The following CCBE1 variants were observed in gnomAD, a reference collection of about 807,000 sequenced individuals.
The protein encoded by CCBE1 is collagen and calcium-binding EGF domain-containing protein 1.
A neutral mutation model predicts 50.0 loss-of-function variants in CCBE1; 37 were observed. The observed-to-expected ratio is 0.74, with a 90% CI of 0.57 to 0.97. CCBE1 has a LOEUF of 0.97. Among genes scored for constraint, CCBE1 ranks in the 50% least tolerant of loss-of-function variants. The pLI is 0.00. For missense variants in CCBE1, 538 were observed against 523.8 expected (o/e 1.03, Z -0.26); for synonymous variants, 234 against 203.7 (o/e 1.15, Z -1.27).
At position 59,651,285 on chromosome 18, in the gene CCBE1, A is replaced by C. The variant is rs546778439; in HGVS notation, c.212+45344T>G. Among the ~76,000 whole-genome samples the C allele has an allele frequency of 1.1e-4, 16 of 152,354 alleles. No individual in the cohort carries two copies. The East Asian group carries it at 2.7e-3, about 26-fold the overall frequency. ...TTGACACACATGAGTTGTTGCAGGC[A>C]CTGGGGTTTCCTGCCCCAGTTCTTG... On this transcript the variant is annotated intron_variant, in intron 2 of 10. Coordinates refer to ENST00000439986, the MANE Select transcript of CCBE1 (RefSeq NM_133459.4).
chr18:59,635,869 G>A (rs943797915), intron 2 of CCBE1, among the ~76,000 whole-genome samples: 3 of 152,266 alleles, frequency 2.0e-5, no homozygotes, highest in Admixed American at 2.0e-4. Flanking sequence ...GATTTTAGAA[G>A]CCAAATTCTA....
At chr18:59,508,905 C>CA (rs1029882889) in intron 2 of CCBE1, among the ~76,000 whole-genome samples, 2 of 151,854 alleles carry the variant, frequency 1.3e-5, no homozygotes, top group Admixed American at 1.3e-4. Flanking sequence ...CAATGAACGG[C>CA]AAGGTCATGC....
intron 2 of CCBE1, among the ~76,000 whole-genome samples, chr18:59,623,083 G>A (rs563987035): frequency 6.6e-6 from 1 of 152,236 alleles, no homozygotes; most frequent in Non-Finnish European, 1.5e-5. Flanking sequence ...CTGGAAAGGG[G>A]GCACAGAATG....
intron 2 of CCBE1, among the ~76,000 whole-genome samples, chr18:59,481,876 A>G (rs1912586764): frequency 6.6e-6 from 1 of 152,236 alleles, no homozygotes; most frequent in Non-Finnish European, 1.5e-5. Flanking sequence ...AGAGCATTAT[A>G]AACAGTAAAT....
At chr18:59,468,034 G>A (rs184329669) in intron 4 of CCBE1, among the ~76,000 whole-genome samples, 23 of 152,310 alleles carry the variant, frequency 1.5e-4, no homozygotes, top group Admixed American at 2.0e-4. Flanking sequence ...GTTGAAATCA[G>A]AGATAGAAAT....
At chr18:59,465,600 A>T (rs1291350328) in intron 5 of CCBE1, 4 of 152,258 alleles carry the variant, frequency 2.6e-5, no homozygotes, top group African/African-American at 9.6e-5. Flanking sequence ...TACAAAAATA[A>T]GATGTAAAAT....
chr18:59,522,410 T>C (rs922741598), intron 2 of CCBE1, among the ~76,000 whole-genome samples: 9 of 152,234 alleles, frequency 5.9e-5, no homozygotes, highest in Non-Finnish European at 2.9e-5. Flanking sequence ...GAAATACTTC[T>C]AACATTAAAC....
intron 2 of CCBE1, among the ~76,000 whole-genome samples, chr18:59,568,004 A>T (rs2052855173): frequency 6.6e-6 from 1 of 151,990 alleles, no homozygotes; most frequent in South Asian, 2.1e-4. Context: ...TGTGGTAGCT[A>T]TTCTTTTTCT....
intron 2 of CCBE1, among the ~76,000 whole-genome samples, chr18:59,590,592 G>A (rs970256955): frequency 1.3e-5 from 2 of 152,098 alleles, no homozygotes; most frequent in African/African-American, 4.8e-5. Flanking sequence ...AGCCACAGGA[G>A]GAATATCCCA....
chr18:59,540,740 A>G (rs544972708), intron 2 of CCBE1, among the ~76,000 whole-genome samples: 2 of 152,180 alleles, frequency 1.3e-5, no homozygotes, highest in Non-Finnish European at 2.9e-5. Flanking sequence ...CATGCCCTTT[A>G]TTTCCATATC....
intron 2 of CCBE1, among the ~76,000 whole-genome samples, chr18:59,528,275 C>T (rs929272402): frequency 3.3e-5 from 5 of 152,186 alleles, no homozygotes; most frequent in African/African-American, 1.2e-4. Flanking sequence ...TATTTGGCTA[C>T]TGATACTTGT....
chr18:59,527,101 G>A (rs1307385880), intron 2 of CCBE1, among the ~76,000 whole-genome samples: 4 of 152,152 alleles, frequency 2.6e-5, no homozygotes, highest in African/African-American at 9.7e-5. Flanking sequence ...ACAGTGGGGT[G>A]TTAAAGTCTC....
chr18:59,501,956 G>A (rs1322624368), intron 2 of CCBE1, among the ~76,000 whole-genome samples: 1 of 152,058 alleles, frequency 6.6e-6, no homozygotes, highest in African/African-American at 2.4e-5. Context: ...GCACCATCAC[G>A]CCTGGCTAAT....
intron 2 of CCBE1, among the ~76,000 whole-genome samples, chr18:59,508,732 T>TTTTTC (rs1913998961): frequency 6.7e-6 from 1 of 148,396 alleles, no homozygotes; most frequent in South Asian, 2.2e-4. Context: ...TTTTTTTTTT[T>TTTTTC]TGAGGCAGGG....
chr18:59,535,191 G>A (rs763364500), intron 2 of CCBE1, among the ~76,000 whole-genome samples: 1 of 152,174 alleles, frequency 6.6e-6, no homozygotes, highest in Admixed American at 6.5e-5. Context: ...CCTTGATGCT[G>A]GAAAGATAAA....
At chr18:59,461,563 A>G (rs1487729740) in intron 5 of CCBE1, among the ~76,000 whole-genome samples, 6 of 152,020 alleles carry the variant, frequency 3.9e-5, no homozygotes, top group Non-Finnish European at 8.8e-5. Flanking sequence ...ATAGGTGATA[A>G]ATTCAGTGGA....
At chr18:59,525,117 G>A (rs899283293) in intron 2 of CCBE1, among the ~76,000 whole-genome samples, 8 of 152,150 alleles carry the variant, frequency 5.3e-5, no homozygotes, top group African/African-American at 1.4e-4. Context: ...AGGTCAAATG[G>A]TATTTCTGGT....
intron 2 of CCBE1, among the ~76,000 whole-genome samples, chr18:59,693,864 C>CTTTTTTTTTTTTTTTTTTTTTTT (rs11410421): frequency 2.8e-5 from 2 of 70,770 alleles, no homozygotes; most frequent in African/African-American, 1.2e-4. Flanking sequence ...AAAGGAAAGC[C>CTTTTTTTTTTTTTTTTTTTTTTT]TTTTTTTTTT....
intron 2 of CCBE1, among the ~76,000 whole-genome samples, chr18:59,498,281 A>C (rs1486277981): frequency 1.3e-5 from 2 of 152,202 alleles, no homozygotes; most frequent in African/African-American, 2.4e-5. Context: ...CAATTTGATA[A>C]ATTGATAAAA....
Sources: gnomAD v4.1 joint callset for allele counts (sites outside exome capture counted in the v4.1 genomes callset) on GRCh38, gnomAD v4.1.1 for gene constraint, MANE v1.5 for transcripts, NCBI Gene and HGNC (gene_info 2026-07-23, HGNC 2026-07-21) for gene names.